CDH13: variants seen among roughly 807,000 people sequenced by gnomAD.
CDH13 encodes the protein cadherin-13.
In CDH13, 24 loss-of-function variants were observed where a neutral mutation model predicts 63.8. The ratio of observed to expected loss-of-function variants is 0.38; its 90% CI spans 0.27 to 0.53. The LOEUF (loss-of-function observed/expected upper bound fraction) is 0.53, where lower values mean the gene tolerates loss of function less well. Ranked by LOEUF, CDH13 falls within the 20% of genes least tolerant of loss-of-function variation. The probability of loss-of-function intolerance (pLI) is 0.85; values close to 1 mark genes in which losing one functional copy is unlikely to be tolerated. For missense variants in CDH13, 1,049 were observed against 903.1 expected (o/e 1.16, Z -2.07); for synonymous variants, 503 against 355.3 (o/e 1.42, Z -4.67).
At chr16:83,410,509 A>C (rs544641445) in intron 6 of CDH13, among the ~76,000 whole-genome samples, 1 of 152,326 alleles carries the variant, frequency 6.6e-6, no homozygotes, top group East Asian at 1.9e-4. Flanking sequence ...GGCAAATAGC[A>C]TTTGAGAAAA....
chr16:83,543,925 C>T (rs2075337619), intron 7 of CDH13, among the ~76,000 whole-genome samples: 1 of 152,202 alleles, frequency 6.6e-6, no homozygotes, highest in Admixed American at 6.5e-5. Context: ...CTGAGCCACC[C>T]CATCAGTGAC....
chr16:82,987,102 G>C (rs1747124021), intron 2 of CDH13, among the ~76,000 whole-genome samples: 1 of 152,182 alleles, frequency 6.6e-6, no homozygotes. Context: ...ATGTGAATCA[G>C]TGAGGAGCGG....
intron 6 of CDH13, among the ~76,000 whole-genome samples, chr16:83,478,840 A>G (rs1209546479): frequency 7.4e-5 from 10 of 135,312 alleles, no homozygotes; most frequent in Non-Finnish European, 1.4e-4. Context: ...AGATGAGAAA[A>G]AAAAAAAAAA....
chr16:83,069,050 A>G (rs748129918), intron 3 of CDH13, among the ~76,000 whole-genome samples: 11 of 152,240 alleles, frequency 7.2e-5, no homozygotes, highest in African/African-American at 1.2e-4. Context: ...AACTGCTTCA[A>G]TTTAAGTCAG....
chr16:83,489,611 T>C (rs2073964413), intron 7 of CDH13, among the ~76,000 whole-genome samples: 1 of 152,206 alleles, frequency 6.6e-6, no homozygotes, highest in African/African-American at 2.4e-5. Flanking sequence ...AGATGTCCAG[T>C]GGAGTTCCCC....
intron 7 of CDH13, among the ~76,000 whole-genome samples, chr16:83,532,449 G>A (rs1038895854): frequency 1.3e-5 from 2 of 152,216 alleles, no homozygotes; most frequent in Admixed American, 1.3e-4. Context: ...TTAATAAAAT[G>A]TTACTGGATA....
rs1904281310 is a variant in CDH13, at chr16:83,796,405, A to G, written c.*1375A>G. On this transcript the variant is annotated 3_prime_UTR_variant, in exon 14 of 14. Coordinates refer to ENST00000567109, the MANE Select transcript of CDH13 (RefSeq NM_001257.5). Reference sequence around the variant, plus strand: ...TGCACACACACACGCTTTCTTATGCAATCTATGTTTGCACTTGTGCTTTCA... The same window carrying G: ...TGCACACACACACGCTTTCTTATGCGATCTATGTTTGCACTTGTGCTTTCA... The G allele has an allele frequency of 6.6e-6, 1 of 152,228 alleles. No homozygotes were observed. 9.4% of individuals were successfully genotyped at this position (152,228 alleles called of 1,614,324 possible). A position where few individuals can be genotyped will look rare whatever the true frequency, so the allele number is the denominator to read the frequency against.
intron 2 of CDH13, among the ~76,000 whole-genome samples, chr16:82,891,952 T>C (rs1307032967): frequency 6.6e-6 from 1 of 152,178 alleles, no homozygotes; most frequent in East Asian, 1.9e-4. Flanking sequence ...TTGTTGTTGG[T>C]CAGTATCCTT....
At chr16:82,721,985 C>A (rs1443517910) in intron 1 of CDH13, among the ~76,000 whole-genome samples, 1 of 152,158 alleles carries the variant, frequency 6.6e-6, no homozygotes, top group Non-Finnish European at 1.5e-5. Context: ...TCCCTACCCT[C>A]TCTCACTGAC....
chr16:83,088,412 C>T (rs1416603966), intron 3 of CDH13, among the ~76,000 whole-genome samples: 1 of 152,150 alleles, frequency 6.6e-6, no homozygotes, highest in Admixed American at 6.5e-5. Flanking sequence ...CTTTATTTTC[C>T]TGTAACGTTT....
chr16:83,438,958 C>T (rs1286719393), intron 6 of CDH13, among the ~76,000 whole-genome samples: 1 of 152,098 alleles, frequency 6.6e-6, no homozygotes, highest in Non-Finnish European at 1.5e-5. Flanking sequence ...TGCATATCCT[C>T]ATCACTAGCT....
intron 3 of CDH13, among the ~76,000 whole-genome samples, chr16:83,066,795 C>T (rs533820432): frequency 6.6e-6 from 1 of 152,284 alleles, no homozygotes; most frequent in African/African-American, 2.4e-5. Flanking sequence ...ACATGGTCAG[C>T]ACATTTTCTG....
At chr16:82,990,513 C>T (rs913515358) in intron 2 of CDH13, among the ~76,000 whole-genome samples, 2 of 150,526 alleles carry the variant, frequency 1.3e-5, no homozygotes, top group Non-Finnish European at 3.0e-5. Flanking sequence ...GCTTCCATCT[C>T]TTCCTTGTCG....
chr16:83,286,350 T>G (rs2089312064), intron 5 of CDH13, among the ~76,000 whole-genome samples: 1 of 152,192 alleles, frequency 6.6e-6, no homozygotes, highest in Non-Finnish European at 1.5e-5. Context: ...AGTTCTATCC[T>G]CAGGGCATCT....
chr16:83,427,898 C>A (rs942183917), intron 6 of CDH13, among the ~76,000 whole-genome samples: 2 of 152,176 alleles, frequency 1.3e-5, no homozygotes, highest in Admixed American at 1.3e-4. Flanking sequence ...TTCCTTGGAC[C>A]CAGGCAAAGG....
intron 7 of CDH13, among the ~76,000 whole-genome samples, chr16:83,576,272 C>A (rs962706764): frequency 6.6e-6 from 1 of 152,184 alleles, no homozygotes; most frequent in South Asian, 2.1e-4. Context: ...GTGACATTTT[C>A]GTGTCTGGAG....
At chr16:83,199,061 G>GT in intron 4 of CDH13, among the ~76,000 whole-genome samples, 1 of 152,324 alleles carries the variant, frequency 6.6e-6, no homozygotes, top group South Asian at 2.1e-4. Context: ...GGGAGGAGGG[G>GT]TGTTATGGCA....
At chr16:83,752,365 G>A (rs891627601) in intron 11 of CDH13, among the ~76,000 whole-genome samples, 8 of 152,132 alleles carry the variant, frequency 5.3e-5, no homozygotes, top group African/African-American at 1.7e-4. Flanking sequence ...ACCGTGTCCC[G>A]AATATTAAGA....
intron 7 of CDH13, among the ~76,000 whole-genome samples, chr16:83,572,534 G>GAAC (rs1904736083): frequency 6.6e-6 from 1 of 152,106 alleles, no homozygotes; most frequent in African/African-American, 2.4e-5. Context: ...GTCAGTGTCA[G>GAAC]GTTCGCCTCT....
Sources: allele counts gnomAD v4.1 joint callset (sites outside exome capture counted in the v4.1 genomes callset), GRCh38; gene constraint gnomAD v4.1.1; transcripts MANE v1.5; gene names NCBI Gene and HGNC (gene_info 2026-07-23, HGNC 2026-07-21).